The following VEPH1 variants were observed in gnomAD, a reference collection of about 807,000 sequenced individuals.
VEPH1 encodes ventricular zone expressed PH domain containing 1.
In VEPH1, 80 loss-of-function variants were observed where a neutral mutation model predicts 85.2. The ratio of observed to expected loss-of-function variants is 0.94; its 90% CI spans 0.78 to 1.13. VEPH1 has a LOEUF of 1.13. Ranked by LOEUF, VEPH1 falls within the 50% of genes most tolerant of loss-of-function variation. The pLI is 0.00. For missense variants in VEPH1, 955 were observed against 980.5 expected, an observed-to-expected ratio of 0.97 and a Z score of 0.35; for synonymous variants, 297 against 348.0, an observed-to-expected ratio of 0.85 and a Z score of 1.63.
At chr3:157,332,518 T>C (rs1365583057) in intron 9 of VEPH1, among the ~76,000 whole-genome samples, 3 of 152,214 alleles carry the variant, frequency 2.0e-5, no homozygotes, top group Non-Finnish European at 4.4e-5. Flanking sequence ...CTGGCTTCTT[T>C]CACTTATTAT....
intron 6 of VEPH1, 184 bp downstream of exon 6, chr3:157,413,697 C>T: frequency 1.0e-6 from 1 of 975,912 alleles, no homozygotes; most frequent in Non-Finnish European, 1.2e-6. Context: ...CCAGAAATCC[C>T]AGGACAAATT....
At chr3:157,350,082 A>G (rs1318539227) in intron 9 of VEPH1, among the ~76,000 whole-genome samples, 1 of 152,178 alleles carries the variant, frequency 6.6e-6, no homozygotes, top group Non-Finnish European at 1.5e-5. Flanking sequence ...GGCAAAAAGA[A>G]CAAAGCTGGA....
At chr3:157,502,268 T>C (rs1181531236) in intron 1 of VEPH1, among the ~76,000 whole-genome samples, 1 of 152,218 alleles carries the variant, frequency 6.6e-6, no homozygotes, top group Non-Finnish European at 1.5e-5. Context: ...ACCTATTTAG[T>C]CAAGAGCCCA....
At chr3:157,378,428 G>A (rs4435581) in intron 7 of VEPH1, among the ~76,000 whole-genome samples, 100,068 of 146,986 alleles carry the variant, frequency 0.68, 34,239 homozygotes, top group East Asian at 0.8. Flanking sequence ...AGACATTTTT[G>A]GTTGTCACAA....
At chr3:157,286,476 G>A (rs1716784537) in intron 12 of VEPH1, 81 bp downstream of exon 12, 3 of 1,084,578 alleles carry the variant, frequency 2.8e-6, no homozygotes, top group Non-Finnish European at 4.2e-6. Context: ...GCAAGAGGAA[G>A]GCCACCTAGA....
chr3:157,302,098 C>A (rs1323483164), intron 11 of VEPH1, among the ~76,000 whole-genome samples: 3 of 117,774 alleles, frequency 2.5e-5, no homozygotes, highest in African/African-American at 1.5e-4. Flanking sequence ...GCTTTGATTC[C>A]TCATTTCCCC....
chr3:157,405,989 T>A (rs1020981288), intron 6 of VEPH1, among the ~76,000 whole-genome samples: 8 of 152,218 alleles, frequency 5.3e-5, no homozygotes, highest in Non-Finnish European at 8.8e-5. Flanking sequence ...TATTTGAAAG[T>A]ATATTTTGTA....
intron 4 of VEPH1, among the ~76,000 whole-genome samples, chr3:157,430,981 T>A (rs1228748388): frequency 6.6e-6 from 1 of 152,194 alleles, no homozygotes; most frequent in African/African-American, 2.4e-5. Flanking sequence ...TTCCTTGGCT[T>A]AACCAGTGAT....
intron 7 of VEPH1, among the ~76,000 whole-genome samples, chr3:157,371,125 T>C (rs771348636): frequency 6.6e-6 from 1 of 152,206 alleles, no homozygotes; most frequent in Non-Finnish European, 1.5e-5. Context: ...CTAGAAGATA[T>C]GCTTTTCCTG....
At chr3:157,351,106 C>G (rs943477517) in intron 9 of VEPH1, among the ~76,000 whole-genome samples, 1 of 151,970 alleles carries the variant, frequency 6.6e-6, no homozygotes, top group Admixed American at 6.6e-5. Flanking sequence ...AGTTAAGATA[C>G]GGAATCAACC....
intron 2 of VEPH1, among the ~76,000 whole-genome samples, chr3:157,490,960 T>C (rs961882642): frequency 3.9e-5 from 6 of 152,150 alleles, no homozygotes; most frequent in East Asian, 1.9e-4. Flanking sequence ...GAGTTGAAAC[T>C]ACCTGTACCA....
intron 1 of VEPH1, among the ~76,000 whole-genome samples, chr3:157,498,703 ATTAT>A (rs141610241): frequency 1.3e-5 from 2 of 152,270 alleles, no homozygotes; most frequent in East Asian, 3.9e-4. Flanking sequence ...GGCAAGGCAC[ATTAT>A]TTATTTTTCA....
At chr3:157,321,448 T>C (rs1366393591) in intron 9 of VEPH1, among the ~76,000 whole-genome samples, 1 of 152,202 alleles carries the variant, frequency 6.6e-6, no homozygotes, top group Admixed American at 6.5e-5. Context: ...TACCCAGATG[T>C]AAGTGTAACC....
At chr3:157,421,417 A>T (rs765115279) in intron 5 of VEPH1, among the ~76,000 whole-genome samples, 3 of 152,324 alleles carry the variant, frequency 2.0e-5, no homozygotes, top group Non-Finnish European at 4.4e-5. Flanking sequence ...AGCATCAGGA[A>T]TGCTTTAATG....
At chr3:157,497,586 C>G (rs375995284) in intron 1 of VEPH1, among the ~76,000 whole-genome samples, 1 of 152,296 alleles carries the variant, frequency 6.6e-6, no homozygotes, top group South Asian at 2.1e-4. Flanking sequence ...CTTCACCTGA[C>G]CTGTCAGCTT....
At position 157,495,582 on chromosome 3, in the gene VEPH1, C is replaced by A. The variant is rs900527037; in HGVS notation, c.-157-76G>T. The A allele has an allele frequency of 3.9e-5, 36 of 925,002 alleles. No homozygotes were observed. The African/African-American group carries it at 4.4e-4, about 11-fold the overall frequency. 57.3% of individuals were successfully genotyped at this position (925,002 alleles called of 1,614,324 possible). ...CTCAGAATGTGAACTCAGTGTCCAG[C>A]GGAGAGAGAGAGAAAAAAGAAACTT... is the stretch of plus-strand genomic sequence containing the variant. On this transcript the variant is annotated intron_variant, in intron 1 of 13. Transcript: ENST00000362010.
intron 3 of VEPH1, among the ~76,000 whole-genome samples, chr3:157,468,502 G>A (rs942156106): frequency 6.6e-6 from 1 of 152,094 alleles, no homozygotes; most frequent in South Asian, 2.1e-4. Flanking sequence ...TTGAACCCGG[G>A]AGGCGGAGGT....
chr3:157,350,277 C>A (rs1181721929), intron 9 of VEPH1, among the ~76,000 whole-genome samples: 1 of 152,156 alleles, frequency 6.6e-6, no homozygotes, highest in Non-Finnish European at 1.5e-5. Context: ...AAAGGATAGT[C>A]TCTTCAATAA....
intron 5 of VEPH1, among the ~76,000 whole-genome samples, chr3:157,426,251 T>G (rs1732745319): frequency 6.6e-6 from 1 of 152,226 alleles, no homozygotes; most frequent in Non-Finnish European, 1.5e-5. Flanking sequence ...CTGTGTATCC[T>G]CCAGTTCAAC....
Sources: gnomAD v4.1 joint callset for allele counts (sites outside exome capture counted in the v4.1 genomes callset) on GRCh38, gnomAD v4.1.1 for gene constraint, MANE v1.5 for transcripts, NCBI Gene and HGNC (gene_info 2026-07-23, HGNC 2026-07-21) for gene names.